Variants in NDRG2 observed in about 807,000 individuals in gnomAD.
NDRG2 encodes NDRG family member 2, also known as protein NDRG2.
A neutral mutation model predicts 58.2 loss-of-function variants in NDRG2; 34 were observed. The ratio of observed to expected loss-of-function variants is 0.58; its 90% confidence interval spans 0.44 to 0.78. The LOEUF is 0.78. Among genes scored for constraint, NDRG2 ranks in the 30% least tolerant of loss-of-function variants. NDRG2 has a pLI of 0.00. For synonymous variants in NDRG2, 187 were observed against 175.9 expected (o/e 1.06, Z -0.50); for missense variants, 434 against 471.2 (o/e 0.92, Z 0.73).
chr14:21,038,606 G>T (rs563324288), intron 1 of NDRG2, among the ~76,000 whole-genome samples: 3 of 152,180 alleles, frequency 2.0e-5, no homozygotes, highest in African/African-American at 7.2e-5. Context: ...GGGGGAAACC[G>T]GTCTGGCTGG....
intron 1 of NDRG2, among the ~76,000 whole-genome samples, chr14:21,053,115 C>T (rs2139139511): frequency 6.6e-6 from 1 of 152,268 alleles, no homozygotes; most frequent in African/African-American, 2.4e-5. Context: ...GACAACAGAA[C>T]TGGGTGCCTG....
chr14:21,017,909 G>C, intron 15 of NDRG2, 78 bp downstream of exon 15: 1 of 1,612,082 alleles, frequency 6.2e-7, no homozygotes, highest in East Asian at 2.2e-5. Flanking sequence ...GGTGAGTCCA[G>C]GCATTCACCT....
At position 21,033,930 on chromosome 14, in the gene NDRG2, G is replaced by A. The variant is rs754878730; in HGVS notation, c.25-10609C>T. On this transcript the variant is annotated intron_variant, in intron 1 of 14. Coordinates refer to the NDRG2 transcript ENST00000403829. ...GGTGCTATTGTAGTAGCAGCTAGTG[G>A]GTGGCTGTTGGTGGCTCAGGGAGCA... is the stretch of plus-strand genomic sequence containing the variant. 8 of 1,613,924 alleles carry A rather than the reference G, an allele frequency of 5.0e-6. No individual in the cohort carries two copies. In the South Asian group the frequency reaches 8.8e-5, roughly 18 times the overall value.
chr14:21,044,193 C>G (rs1885041782), intron 1 of NDRG2: 1 of 166,948 alleles, frequency 6.0e-6, no homozygotes, highest in Non-Finnish European at 1.5e-5. Context: ...AGCCAGTTAC[C>G]CTGTGTTGGC....
rs1243470 is a variant in NDRG2, at chr14:21,064,997, C to T, written c.24+5831G>A. ...ACCAGCCTGAGCAACATGCTGAAAC[C>T]ACATTTCTACTAAAAATACAAAAAT... On this transcript the variant is annotated intron_variant, in intron 1 of 14. Coordinates refer to the NDRG2 transcript ENST00000403829. 9.7e-4 allele frequency among the ~76,000 whole-genome samples: 148 copies of T among 152,208 alleles called. 2 individuals are homozygous for T. In the East Asian group the frequency reaches 0.02, roughly 21 times the overall value.
chr14:21,043,157 GA>G, intron 1 of NDRG2: 1 of 1,614,160 alleles, frequency 6.2e-7, no homozygotes, highest in Non-Finnish European at 8.5e-7. Context: ...ACTCAGCCAT[GA>G]AAAACATTAA....
upstream of NDRG2, among the ~76,000 whole-genome samples, chr14:21,026,104 G>T (rs1415829301): frequency 6.6e-6 from 1 of 152,030 alleles, no homozygotes; most frequent in African/African-American, 2.4e-5. Context: ...CGTCCCTCTC[G>T]GTGCCCGAGT....
chr14:21,017,329 G>A lies in NDRG2; in HGVS notation c.*267C>T. 2 of 519,810 alleles carry A rather than the reference G, an allele frequency of 3.8e-6. No homozygotes were observed. Among genetic ancestry groups the A allele is most frequent in the South Asian group, 4.2e-5 (2 of 47,830 alleles). The allele number at this position is 519,810 out of a possible 1,614,324, so 32.2% of individuals were successfully genotyped here. A position where few individuals can be genotyped will look rare whatever the true frequency, so the allele number is the denominator to read the frequency against. On this transcript the variant is annotated 3_prime_UTR_variant, in exon 16 of 16. Coordinates refer to ENST00000556147, the MANE Select transcript of NDRG2 (RefSeq NM_001320329.2). The stretch of plus-strand genomic sequence containing the variant: ...CTAGATCAGGACAGAGGATGCATAT[G>A]CCCTCTCCACCTTAACATCAAAATG...
intron 1 of NDRG2, among the ~76,000 whole-genome samples, chr14:21,038,820 A>G (rs1023580142): frequency 1.3e-5 from 2 of 152,110 alleles, no homozygotes; most frequent in Non-Finnish European, 1.5e-5. Context: ...GTCTAAACGC[A>G]TTGGTCTGGG....
At chr14:21,059,754 G>A (rs945248000) in intron 1 of NDRG2, among the ~76,000 whole-genome samples, 6 of 152,078 alleles carry the variant, frequency 3.9e-5, no homozygotes, top group Admixed American at 2.6e-4. Flanking sequence ...TCAACTCCTG[G>A]GCTCAAGTGA....
chr14:21,026,248 G>A (rs1242841978), upstream of NDRG2, among the ~76,000 whole-genome samples: 1 of 152,070 alleles, frequency 6.6e-6, no homozygotes, highest in Admixed American at 6.5e-5. Context: ...TGGCTTAAGG[G>A]AATTCGAAGT....
In NDRG2 at chr14:21,023,279, TCTC is replaced by T; in HGVS notation, c.34_36del (p.Glu12del). On this transcript the variant is annotated inframe_deletion, in exon 2 of 16. Coordinates refer to ENST00000556147, the MANE Select transcript of NDRG2 (RefSeq NM_001320329.2). ...GGCGTCTGTCCTGGCAACAGTGGCT[TCTC>T]CTCTGTGATCTGCACCTCCTGCAGC... 6.2e-7 allele frequency: 1 copy of T among 1,613,932 alleles called. No individual in the cohort carries two copies. The highest frequency in any genetic ancestry group is 8.5e-7 in the Non-Finnish European group (1 of 1,179,942).
At chr14:21,023,814 T>TA in intron 1 of NDRG2, 1 of 311,042 alleles carries the variant, frequency 3.2e-6, no homozygotes, top group Non-Finnish European at 4.7e-6. Context: ...CAAAGGGGGC[T>TA]AAAAATGACC....
At position 21,017,723 on chromosome 14, in the gene NDRG2, G is replaced by A. The variant is rs1327776678; in HGVS notation, c.989C>T (p.Thr330Ile). 2 of 1,603,660 alleles carry A rather than the reference G, an allele frequency of 1.2e-6. No individual in the cohort carries two copies. The highest frequency in any genetic ancestry group is 2.3e-5 in the East Asian group (1 of 44,424). ...SCMTRLSRSR[T>I]ASLTSAASVD... ...GGATGCTGCACTGGTCAGAGAGGCT[G>A]TACGAGACCGGGACAGGCGAGTCAT... is the stretch of plus-strand genomic sequence containing the variant. Residue 330 changes from threonine (T) to isoleucine (I), a missense_variant, in exon 16 of 16, where the codon ACA becomes ATA. Physicochemically the swap from Thr to Ile is moderately conservative, Grantham distance 89. Coordinates refer to ENST00000556147, the MANE Select transcript of NDRG2 (RefSeq NM_001320329.2).
At chr14:21,042,912 T>A in intron 1 of NDRG2, 1 of 1,208,176 alleles carries the variant, frequency 8.3e-7, no homozygotes, top group South Asian at 1.5e-5. Context: ...TATGAGCAGG[T>A]ATAAGAGGAC....
chr14:21,033,542 C>T, intron 1 of NDRG2: 1 of 488,606 alleles, frequency 2.0e-6, no homozygotes. Flanking sequence ...CAACTGGACA[C>T]AGTCAACTTC....
intron 1 of NDRG2, chr14:21,033,069 C>A (rs1312655804): frequency 4.5e-6 from 2 of 447,532 alleles, no homozygotes; most frequent in Non-Finnish European, 8.9e-6. Flanking sequence ...GCAGGAACCT[C>A]TGGGGAATGG....
At chr14:21,020,935 GA>G in intron 6 of NDRG2, 91 bp from the exon 7 acceptor site, 1 of 1,363,956 alleles carries the variant, frequency 7.3e-7, no homozygotes, top group Non-Finnish European at 1.0e-6. Context: ...CCTCCCTCCT[GA>G]GTCCACGGGC....
chr14:21,039,010 A>C (rs1884773215), intron 1 of NDRG2, among the ~76,000 whole-genome samples: 1 of 152,242 alleles, frequency 6.6e-6, no homozygotes, highest in Non-Finnish European at 1.5e-5. Flanking sequence ...AAGGACCAAC[A>C]AAATTAGGAT....
Sources: allele counts gnomAD v4.1 joint callset (sites outside exome capture counted in the v4.1 genomes callset), GRCh38; gene constraint gnomAD v4.1.1; transcripts MANE v1.5; gene names NCBI Gene and HGNC (gene_info 2026-07-23, HGNC 2026-07-21).